METTL25: variants seen among roughly 807,000 people sequenced by gnomAD.
The protein encoded by METTL25 is methyltransferase like 25, also known as probable methyltransferase-like protein 25.
In METTL25, 64 loss-of-function variants were observed where a neutral mutation model predicts 71.6. That is an observed-to-expected ratio of 0.89 (90% CI 0.73 to 1.10). The LOEUF is 1.10. METTL25 is among the 50% of genes least tolerant of loss of function. The pLI is 0.00. For missense variants in METTL25, 807 were observed against 707.0 expected (o/e 1.14, Z -1.60); for synonymous variants, 287 against 250.3 (o/e 1.15, Z -1.38).
chr12:82,473,169 C>T (rs1192776579), intron 9 of METTL25, among the ~76,000 whole-genome samples: 2 of 151,910 alleles, frequency 1.3e-5, no homozygotes. Context: ...TAGGCATGGC[C>T]TCACTGTGCT....
chr12:82,410,665 A>C (rs1460130529), intron 5 of METTL25, among the ~76,000 whole-genome samples: 1 of 152,106 alleles, frequency 6.6e-6, no homozygotes, highest in Non-Finnish European at 1.5e-5. Context: ...TTATAAACAA[A>C]AACTTTTAAA....
rs545121476 is a variant in METTL25, at chr12:82,471,492, T to C, written c.1573-5152T>C. Among the ~76,000 whole-genome samples the C allele has an allele frequency of 1.5e-4, 23 of 152,346 alleles. No homozygotes were observed. The South Asian group carries it at 4.8e-3, about 32-fold the overall frequency. ...AATTTGTTTGAACACATGAGCACAG[T>C]GACTAGTAGCATTCTGTGAAACAGA... is the stretch of plus-strand genomic sequence containing the variant. On this transcript the variant is annotated intron_variant, in intron 9 of 11. Coordinates refer to ENST00000248306, the MANE Select transcript of METTL25 (RefSeq NM_032230.3).
At chr12:82,378,652 AAATCCCTTATTAG>A (rs1565809509) in intron 1 of METTL25, among the ~76,000 whole-genome samples, 1 of 152,236 alleles carries the variant, frequency 6.6e-6, no homozygotes, top group Non-Finnish European at 1.5e-5. Context: ...TACTCCCTCA[AAATCCCTTATTAG>A]TAATTTAGTT....
intron 5 of METTL25, among the ~76,000 whole-genome samples, chr12:82,417,850 A>G (rs1279448706): frequency 6.6e-6 from 1 of 151,402 alleles, no homozygotes; most frequent in Non-Finnish European, 1.5e-5. Flanking sequence ...TGTTAAGATG[A>G]CGTTGAGCAG....
At chr12:82,426,548 G>A (rs1462782610) in intron 5 of METTL25, among the ~76,000 whole-genome samples, 3 of 151,990 alleles carry the variant, frequency 2.0e-5, no homozygotes, top group African/African-American at 7.2e-5. Flanking sequence ...CACACAGGTT[G>A]AGTACCCTCT....
At chr12:82,473,990 G>A (rs1211795889) in intron 9 of METTL25, among the ~76,000 whole-genome samples, 1 of 152,118 alleles carries the variant, frequency 6.6e-6, no homozygotes, top group African/African-American at 2.4e-5. Flanking sequence ...ATGTTACTCT[G>A]GTCTTAAGAT....
intron 1 of METTL25, among the ~76,000 whole-genome samples, chr12:82,363,704 T>G (rs1422985308): frequency 6.8e-6 from 1 of 146,126 alleles, no homozygotes; most frequent in Non-Finnish European, 1.5e-5. Flanking sequence ...TGCCATTCCA[T>G]TTTTCAACTA....
At chr12:82,472,439 A>G (rs1892624785) in intron 9 of METTL25, among the ~76,000 whole-genome samples, 1 of 152,120 alleles carries the variant, frequency 6.6e-6, no homozygotes, top group Admixed American at 6.5e-5. Flanking sequence ...TCTACTAAAA[A>G]TACAAAAAAT....
Position 82,461,714 on chromosome 12 carries a change from A to AG in METTL25, c.1572+4894_1572+4895insG, listed in dbSNP as rs1250014684. On this transcript the variant is annotated intron_variant, in intron 9 of 11. Transcript: ENST00000248306. ...AATTAAACTTTGAAATAAAGGCAAAAAAAAATCAAGGAATGATGAATCTTA... is the reference window on the plus strand; with the variant it reads ...AATTAAACTTTGAAATAAAGGCAAAAGAAAAATCAAGGAATGATGAATCTTA... 4.6e-5 allele frequency among the ~76,000 whole-genome samples: 7 copies of AG among 151,594 alleles called. No individual in the cohort carries two copies. The East Asian group carries it at 9.7e-4, about 21-fold the overall frequency.
intron 7 of METTL25, among the ~76,000 whole-genome samples, chr12:82,435,609 A>G (rs1028956228): frequency 4.6e-5 from 7 of 151,274 alleles, no homozygotes; most frequent in Non-Finnish European, 5.9e-5. Flanking sequence ...TGTCTTTATC[A>G]CTTACTAGTT....
chr12:82,473,395 C>A lies in METTL25; in HGVS notation c.1573-3249C>A, dbSNP rs556484899. Among the ~76,000 whole-genome samples, 17 of 152,184 alleles carry A rather than the reference C, an allele frequency of 1.1e-4. No homozygotes were observed. The South Asian group carries it at 3.3e-3, about 30-fold the overall frequency. ...GCTGACCTAGGGCATGTCGGCCAGGCCTCTCCAGGGGAGGGCTGCTTCTCA... is the reference window on the plus strand; with the variant it reads ...GCTGACCTAGGGCATGTCGGCCAGGACTCTCCAGGGGAGGGCTGCTTCTCA... On this transcript the variant is annotated intron_variant, in intron 9 of 11. Coordinates refer to ENST00000248306, the MANE Select transcript of METTL25 (RefSeq NM_032230.3).
intron 8 of METTL25, among the ~76,000 whole-genome samples, chr12:82,448,075 C>T (rs548562247): frequency 6.6e-6 from 1 of 152,130 alleles, no homozygotes; most frequent in South Asian, 2.1e-4. Context: ...AGTTGATTTG[C>T]AAGGCTCTTT....
intron 8 of METTL25, among the ~76,000 whole-genome samples, chr12:82,441,056 G>T (rs1440069997): frequency 6.6e-6 from 1 of 151,968 alleles, no homozygotes; most frequent in African/African-American, 2.4e-5. Context: ...GGTCTGGTGA[G>T]GACTTGGGAG....
chr12:82,417,071 T>A (rs1214845759), intron 5 of METTL25, among the ~76,000 whole-genome samples: 1 of 152,096 alleles, frequency 6.6e-6, no homozygotes, highest in Non-Finnish European at 1.5e-5. Context: ...ACATGGCAAT[T>A]CTTCAGATAC....
chr12:82,476,374 A>G, intron 9 of METTL25: 1 of 317,302 alleles, frequency 3.2e-6, no homozygotes, highest in Non-Finnish European at 5.7e-6. Flanking sequence ...GAAAGTAAAT[A>G]TTTCCTTCTT....
chr12:82,370,919 CCTT>C (rs1477840216), intron 1 of METTL25, among the ~76,000 whole-genome samples: 2 of 152,218 alleles, frequency 1.3e-5, no homozygotes, highest in Non-Finnish European at 2.9e-5. Flanking sequence ...ACTGCCACCT[CCTT>C]GGGTTTTTGC....
chr12:82,455,763 G>C (rs1891448046), intron 8 of METTL25, among the ~76,000 whole-genome samples: 2 of 151,906 alleles, frequency 1.3e-5, no homozygotes, highest in Admixed American at 1.3e-4. Context: ...AGTGGGCCCT[G>C]ATGGTTTAAG....
At chr12:82,456,168 T>A (rs1231898259) in intron 8 of METTL25, among the ~76,000 whole-genome samples, 1 of 151,868 alleles carries the variant, frequency 6.6e-6, no homozygotes, top group Non-Finnish European at 1.5e-5. Context: ...TAATCAAAGT[T>A]GTGAGATGTG....
intron 9 of METTL25, chr12:82,474,563 C>T (rs1892770978): frequency 6.6e-6 from 1 of 152,004 alleles, no homozygotes; most frequent in African/African-American, 2.4e-5. Context: ...AGAAGGCCAG[C>T]TGTATACTTC....
Sources: gnomAD v4.1 joint callset for allele counts (sites outside exome capture counted in the v4.1 genomes callset) on GRCh38, gnomAD v4.1.1 for gene constraint, MANE v1.5 for transcripts, NCBI Gene and HGNC (gene_info 2026-07-23, HGNC 2026-07-21) for gene names.